COL11A1: variants seen among roughly 807,000 people sequenced by gnomAD.
COL11A1 encodes collagen type XI alpha 1 chain.
A neutral mutation model predicts 265.2 loss-of-function variants in COL11A1; 74 were observed. That is an observed-to-expected ratio of 0.28 (90% CI 0.23 to 0.34). COL11A1 has a LOEUF of 0.34. COL11A1 is among the 10% of genes least tolerant of loss of function. The pLI, the probability that COL11A1 is intolerant of heterozygous loss-of-function variation, is 1.00. For missense variants in COL11A1, 2,165 were observed against 2,263.6 expected (o/e 0.96, Z 0.88); for synonymous variants, 816 against 727.6 (o/e 1.12, Z -1.96).
intron 35 of COL11A1, among the ~76,000 whole-genome samples, chr1:102,975,458 T>C (rs979833877): frequency 1.3e-5 from 2 of 152,144 alleles, no homozygotes; most frequent in African/African-American, 4.8e-5. Context: ...CATGTATAAA[T>C]TTCTTTTGTA....
intron 49 of COL11A1, among the ~76,000 whole-genome samples, chr1:102,918,887 A>G (rs1271887932): frequency 6.6e-6 from 1 of 152,100 alleles, no homozygotes; most frequent in Non-Finnish European, 1.5e-5. Flanking sequence ...CACTGAAATA[A>G]TGACAACTTT....
chr1:103,086,091 T>C (rs1275891275), intron 1 of COL11A1, among the ~76,000 whole-genome samples: 1 of 152,216 alleles, frequency 6.6e-6, no homozygotes, highest in Non-Finnish European at 1.5e-5. Context: ...GTTTATGTTA[T>C]TTGGGCCAGC....
chr1:103,021,032 T>G (rs909449482), intron 9 of COL11A1, among the ~76,000 whole-genome samples: 2 of 149,108 alleles, frequency 1.3e-5, no homozygotes, highest in South Asian at 2.1e-4. Flanking sequence ...TTTTTGAAAT[T>G]TTTATGTCCT....
intron 54 of COL11A1, among the ~76,000 whole-genome samples, chr1:102,903,532 T>C (rs1233493881): frequency 6.6e-6 from 1 of 152,198 alleles, no homozygotes; most frequent in Non-Finnish European, 1.5e-5. Context: ...TATACAAACC[T>C]AATTTAAGAT....
chr1:102,939,130 C>G, intron 43 of COL11A1, 42 bp from the exon 44 acceptor site: 2 of 1,509,328 alleles, frequency 1.3e-6, no homozygotes, highest in South Asian at 2.2e-5. Flanking sequence ...CTCTAACATG[C>G]TATTGCATTG....
chr1:103,089,203 A>AT (rs1673109520), intron 1 of COL11A1, among the ~76,000 whole-genome samples: 1 of 152,154 alleles, frequency 6.6e-6, no homozygotes, highest in Admixed American at 6.5e-5. Flanking sequence ...AGACATCCAT[A>AT]TTTTTTAAGT....
At chr1:103,002,194 G>A (rs970812806) in intron 23 of COL11A1, among the ~76,000 whole-genome samples, 1 of 152,042 alleles carries the variant, frequency 6.6e-6, no homozygotes, top group African/African-American at 2.4e-5. Flanking sequence ...CCTGCAGGTG[G>A]CTATTAGTCC....
chr1:103,065,046 G>A (rs976523608), intron 4 of COL11A1, among the ~76,000 whole-genome samples: 8 of 151,982 alleles, frequency 5.3e-5, no homozygotes, highest in African/African-American at 1.9e-4. Context: ...ATAGACTTTG[G>A]GTGATAATGA....
intron 16 of COL11A1, 44 bp from the exon 17 acceptor site, chr1:103,006,165 C>G (rs773142233): frequency 6.1e-6 from 5 of 824,556 alleles, no homozygotes; most frequent in Admixed American, 2.3e-5. Context: ...ACTTTTATTA[C>G]TAGCAAGGAA....
chr1:103,054,309 G>A (rs1319845335), intron 4 of COL11A1, among the ~76,000 whole-genome samples: 5 of 152,048 alleles, frequency 3.3e-5, no homozygotes, highest in African/African-American at 1.2e-4. Context: ...AAGATCTACA[G>A]ACAAGAATTA....
chr1:103,001,548 C>A, intron 24 of COL11A1: 1 of 455,598 alleles, frequency 2.2e-6, no homozygotes, highest in Non-Finnish European at 3.8e-6. Context: ...TCACAACTTT[C>A]CTTTCATCAT....
intron 46 of COL11A1, among the ~76,000 whole-genome samples, chr1:102,933,617 C>G (rs1038013156): frequency 2.4e-4 from 36 of 152,200 alleles, no homozygotes; most frequent in Non-Finnish European, 3.2e-4. Flanking sequence ...GTGGGCTCCA[C>G]CCAGCTCGAG....
intron 4 of COL11A1, among the ~76,000 whole-genome samples, chr1:103,051,732 G>A (rs570859427): frequency 9.2e-5 from 14 of 152,180 alleles, no homozygotes; most frequent in Non-Finnish European, 7.4e-5. Flanking sequence ...GTTCCCATTT[G>A]GCCATCTTGG....
chr1:103,026,288 T>C lies in COL11A1; in HGVS notation c.825A>G (p.Glu275=). 6.2e-7 allele frequency: 1 copy of C among 1,613,732 alleles called. No homozygotes were observed. Among genetic ancestry groups the C allele is most frequent in the Non-Finnish European group, 8.5e-7 (1 of 1,179,638 alleles). ...CACTTTCAGCCTCTTTATACTCTGC[T>C]TCCCCATACTCATAGTCATATTCGA... ...DIIEYDYEYG[E]AEYKEAESVT... The change falls in exon 6 of 67, where the codon GAA becomes GAG. Residue 275 remains glutamate (E), a synonymous_variant. Transcript: ENST00000370096.
chr1:103,035,817 T>C (rs980919269), intron 4 of COL11A1, among the ~76,000 whole-genome samples: 8 of 147,746 alleles, frequency 5.4e-5, no homozygotes, highest in African/African-American at 1.7e-4. Flanking sequence ...AATTAGTTTC[T>C]GAGTTTTTTT....
chr1:103,100,857 T>G (rs2102415173), intron 1 of COL11A1, among the ~76,000 whole-genome samples: 1 of 152,050 alleles, frequency 6.6e-6, no homozygotes, highest in South Asian at 2.1e-4. Context: ...TGTTTTTCAG[T>G]TATCTCATGG....
chr1:102,930,370 C>A (rs1242317257), intron 46 of COL11A1, among the ~76,000 whole-genome samples: 1 of 151,440 alleles, frequency 6.6e-6, no homozygotes, highest in African/African-American at 2.4e-5. Context: ...TTGTCTTTGG[C>A]TCTGTTTATA....
At chr1:103,074,464 A>G (rs1374772591) in intron 4 of COL11A1, among the ~76,000 whole-genome samples, 154 bp downstream of exon 4, 1 of 152,186 alleles carries the variant, frequency 6.6e-6, no homozygotes, top group African/African-American at 2.4e-5. Context: ...AATAGAAAAC[A>G]TCACCACTAT....
At chr1:103,071,322 A>C (rs1044101460) in intron 4 of COL11A1, among the ~76,000 whole-genome samples, 1 of 151,952 alleles carries the variant, frequency 6.6e-6, no homozygotes, top group East Asian at 1.9e-4. Flanking sequence ...TTAATAAGGA[A>C]ATTTTCCTGT....
Sources: allele counts gnomAD v4.1 joint callset (sites outside exome capture counted in the v4.1 genomes callset), GRCh38; gene constraint gnomAD v4.1.1; transcripts MANE v1.5; gene names NCBI Gene and HGNC (gene_info 2026-07-23, HGNC 2026-07-21).